CTDSPL2: variants seen among roughly 807,000 people sequenced by gnomAD.
CTDSPL2 encodes CTD small phosphatase like 2.
Under a neutral mutation model 60.0 loss-of-function variants are expected in CTDSPL2, and 5 were observed. That is an observed-to-expected ratio of 0.08 (90% CI 0.04 to 0.18). The LOEUF (loss-of-function observed/expected upper bound fraction) is 0.18, where lower values mean the gene tolerates loss of function less well. Among genes scored for constraint, CTDSPL2 ranks in the 10% least tolerant of loss-of-function variants. The pLI is 1.00. For missense variants in CTDSPL2, 370 were observed against 548.8 expected, an observed-to-expected ratio of 0.67 and a Z score of 3.26; for synonymous variants, 186 against 189.3, an observed-to-expected ratio of 0.98 and a Z score of 0.14.
intron 1 of CTDSPL2, chr15:44,448,354 C>T (rs866326302): frequency 1.3e-4 from 34 of 253,650 alleles, no homozygotes; most frequent in Non-Finnish European, 1.8e-4. Context: ...AAAGCCCATG[C>T]GGTCCATGAC....
chr15:44,451,780 G>C (rs1255316729), intron 1 of CTDSPL2, among the ~76,000 whole-genome samples: 1 of 152,142 alleles, frequency 6.6e-6, no homozygotes, highest in Non-Finnish European at 1.5e-5. Context: ...TCTCCCTGCA[G>C]TATGCAAACA....
At chr15:44,442,750 C>A (rs1234381925) in intron 1 of CTDSPL2, among the ~76,000 whole-genome samples, 1 of 151,910 alleles carries the variant, frequency 6.6e-6, no homozygotes, top group Non-Finnish European at 1.5e-5. Flanking sequence ...CCAAGATGGG[C>A]GGATCACTTG....
intron 2 of CTDSPL2, among the ~76,000 whole-genome samples, chr15:44,463,352 G>C (rs1404071139): frequency 1.3e-5 from 2 of 151,934 alleles, no homozygotes; most frequent in African/African-American, 4.8e-5. Flanking sequence ...ATGTTGGCCA[G>C]GCAGGTCTTG....
chr15:44,527,855 T>G lies in CTDSPL2; in HGVS notation c.*3681T>G, dbSNP rs1404554685. 6.6e-6 allele frequency: 1 copy of G among 152,200 alleles called. No homozygotes were observed. The highest frequency in any genetic ancestry group is 1.9e-4 in the East Asian group (1 of 5,196). The allele number at this position is 152,200 out of a possible 1,614,324, so 9.4% of individuals were successfully genotyped here. On this transcript the variant is annotated 3_prime_UTR_variant, in exon 13 of 13. Coordinates refer to ENST00000260327, the MANE Select transcript of CTDSPL2 (RefSeq NM_016396.3). Reference sequence around the variant, plus strand: ...TGACTTTCTTATTCCTCTCATGAGCTATAATTGAGTATAGTATTTTTTTAG... The same window carrying G: ...TGACTTTCTTATTCCTCTCATGAGCGATAATTGAGTATAGTATTTTTTTAG...
At chr15:44,439,459 T>C (rs1037255366) in intron 1 of CTDSPL2, among the ~76,000 whole-genome samples, 3 of 152,010 alleles carry the variant, frequency 2.0e-5, no homozygotes, top group Non-Finnish European at 4.4e-5. Context: ...GCGCCTTATT[T>C]GTTCCATTTT....
intron 1 of CTDSPL2, among the ~76,000 whole-genome samples, chr15:44,450,819 A>C (rs1234597769): frequency 6.6e-6 from 1 of 151,906 alleles, no homozygotes; most frequent in Non-Finnish European, 1.5e-5. Context: ...GCTGGTCTCG[A>C]ACTCCTGACC....
At chr15:44,439,547 G>T (rs79085615) in intron 1 of CTDSPL2, among the ~76,000 whole-genome samples, 1 of 151,148 alleles carries the variant, frequency 6.6e-6, no homozygotes, top group African/African-American at 2.4e-5. Context: ...TTTTTTTGGG[G>T]GGGGGGGAAT....
intron 1 of CTDSPL2, among the ~76,000 whole-genome samples, chr15:44,445,401 G>A (rs1359102367): frequency 1.3e-5 from 2 of 151,666 alleles, no homozygotes; most frequent in Admixed American, 6.6e-5. Flanking sequence ...TGTTGCCCAG[G>A]CTGGTCTCGA....
chr15:44,435,267 A>AT (rs1567056887), intron 1 of CTDSPL2, among the ~76,000 whole-genome samples: 1 of 151,656 alleles, frequency 6.6e-6, no homozygotes, highest in Admixed American at 6.6e-5. Context: ...AAAAAAAAAA[A>AT]AAAAAAAAAA....
intron 4 of CTDSPL2, among the ~76,000 whole-genome samples, chr15:44,489,276 C>T (rs778602464): frequency 5.9e-5 from 9 of 151,852 alleles, no homozygotes; most frequent in African/African-American, 1.9e-4. Context: ...CTGTTGGTTA[C>T]GTTGATTCAA....
chr15:44,521,807 G>A (rs952999471), intron 12 of CTDSPL2, among the ~76,000 whole-genome samples: 20 of 150,656 alleles, frequency 1.3e-4, no homozygotes, highest in Admixed American at 6.0e-4. Context: ...GCGTGGTAGC[G>A]GGCGCCTGTA....
intron 5 of CTDSPL2, 32 bp downstream of exon 5, chr15:44,491,031 A>G: frequency 2.0e-6 from 3 of 1,476,630 alleles, no homozygotes; most frequent in Non-Finnish European, 2.8e-6. Flanking sequence ...ATACATCTTC[A>G]TGAGTAGTTG....
chr15:44,497,906 A>G (rs1178863815), intron 7 of CTDSPL2, among the ~76,000 whole-genome samples: 1 of 152,172 alleles, frequency 6.6e-6, no homozygotes, highest in African/African-American at 2.4e-5. Flanking sequence ...CTGAGGCACA[A>G]GAATCACTAG....
intron 1 of CTDSPL2, among the ~76,000 whole-genome samples, chr15:44,453,867 A>G (rs2140675695): frequency 6.6e-6 from 1 of 152,218 alleles, no homozygotes; most frequent in South Asian, 2.1e-4. Flanking sequence ...GCTATTGTGA[A>G]TAGTGCCGCA....
At chr15:44,463,394 A>G (rs929387549) in intron 2 of CTDSPL2, among the ~76,000 whole-genome samples, 2 of 152,146 alleles carry the variant, frequency 1.3e-5, no homozygotes, top group Non-Finnish European at 2.9e-5. Flanking sequence ...TGCCCACCTC[A>G]GCCTCCCAGA....
At chr15:44,508,164 C>T (rs2081504057) in intron 8 of CTDSPL2, among the ~76,000 whole-genome samples, 1 of 151,718 alleles carries the variant, frequency 6.6e-6, no homozygotes, top group South Asian at 2.1e-4. Context: ...CTCACTGCAG[C>T]CTCAACCTCC....
intron 2 of CTDSPL2, among the ~76,000 whole-genome samples, chr15:44,482,599 T>C (rs538757018): frequency 1.2e-4 from 18 of 152,306 alleles, no homozygotes; most frequent in African/African-American, 4.3e-4. Context: ...ATGTTTGTGA[T>C]AGGAGGCTCC....
chr15:44,528,525 C>T lies in CTDSPL2; in HGVS notation c.*4351C>T, dbSNP rs1446449356. The T allele has an allele frequency of 6.7e-6, 1 of 149,786 alleles. No homozygotes were observed. The highest frequency in any genetic ancestry group is 1.5e-5 in the Non-Finnish European group (1 of 67,632). The allele number at this position is 149,786 out of a possible 1,614,324, so 9.3% of individuals were successfully genotyped here. On this transcript the variant is annotated 3_prime_UTR_variant, in exon 13 of 13. Coordinates refer to ENST00000260327, the MANE Select transcript of CTDSPL2 (RefSeq NM_016396.3). The stretch of plus-strand genomic sequence containing the variant: ...GTGGTAGAGTTTTTTTTTTTTTAAA[C>T]TGGGACCAGATTTCACAGAGCTTAT...
At chr15:44,459,845 A>G (rs1240496317) in intron 2 of CTDSPL2, among the ~76,000 whole-genome samples, 2 of 152,290 alleles carry the variant, frequency 1.3e-5, no homozygotes, top group South Asian at 2.1e-4. Context: ...TCTCTCATCT[A>G]TTCAAGTTCT....
Sources: gnomAD v4.1 joint callset for allele counts (sites outside exome capture counted in the v4.1 genomes callset) on GRCh38, gnomAD v4.1.1 for gene constraint, MANE v1.5 for transcripts, NCBI Gene and HGNC (gene_info 2026-07-23, HGNC 2026-07-21) for gene names.